INPP5K: variants seen among roughly 807,000 people sequenced by gnomAD.
INPP5K encodes inositol polyphosphate 5-phosphatase K.
INPP5K carries 35 observed loss-of-function variants against 53.5 expected under a neutral mutation model. The observed-to-expected ratio is 0.65, with a 90% CI of 0.50 to 0.87. The LOEUF is 0.87. INPP5K is among the 40% of genes least tolerant of loss of function. The pLI is 0.00. For synonymous variants in INPP5K, 253 were observed against 232.8 expected, an observed-to-expected ratio of 1.09 and a Z score of -0.79; for missense variants, 550 against 586.2, an observed-to-expected ratio of 0.94 and a Z score of 0.64.
chr17:1,515,738 G>C, intron 1 of INPP5K: 1 of 609,590 alleles, frequency 1.6e-6, no homozygotes, highest in Non-Finnish European at 2.1e-6. Flanking sequence ...GTCCCTCCCT[G>C]TTAGCATAAA....
intron 3 of INPP5K, among the ~76,000 whole-genome samples, chr17:1,513,137 T>C (rs1278001793): frequency 2.0e-5 from 3 of 152,238 alleles, no homozygotes; most frequent in African/African-American, 7.2e-5. Context: ...GATGGGCATT[T>C]GAGTAGAGAC....
chr17:1,507,403 T>C (rs78484963), intron 6 of INPP5K: 21,870 of 327,114 alleles, frequency 0.067, 878 homozygotes, highest in African/African-American at 0.1. Flanking sequence ...GAGGGGAACC[T>C]GGGGAAGCCA....
chr17:1,502,482 C>G (rs2075049966), intron 7 of INPP5K, among the ~76,000 whole-genome samples: 1 of 152,166 alleles, frequency 6.6e-6, no homozygotes, highest in Non-Finnish European at 1.5e-5. Flanking sequence ...CTTCCCCAAG[C>G]CCTGACCACA....
chr17:1,498,096 G>A lies in INPP5K; in HGVS notation c.803C>T (p.Thr268Ile). 1 of 1,611,894 alleles carries A rather than the reference G, an allele frequency of 6.2e-7. No individual in the cohort carries two copies. Among genetic ancestry groups the A allele is most frequent in the Non-Finnish European group, 8.5e-7 (1 of 1,178,470 alleles). ...TSEKKRKPAW[T>I]DRILWRLKRQ... Reference sequence around the variant, plus strand: ...CTTCAGCCTCCACAGGATGCGATCGGTCCATGCAGGCTTGCGTTTTTTCTC... The same window carrying A: ...CTTCAGCCTCCACAGGATGCGATCGATCCATGCAGGCTTGCGTTTTTTCTC... Residue 268 changes from threonine (T) to isoleucine (I), a missense_variant, in exon 8 of 12, where the codon ACC (threonine) becomes ATC (isoleucine). By Grantham distance (89) the Thr-to-Ile change is moderately conservative. Transcript: ENST00000421807.
In INPP5K at chr17:1,495,757, C is replaced by T. The variant is rs1222495009; in HGVS notation, c.*66G>A. 32 of 1,232,080 alleles carry T rather than the reference C, an allele frequency of 2.6e-5. No individual in the cohort carries two copies. The highest frequency in any genetic ancestry group is 1.1e-4 in the South Asian group (9 of 80,564). 76.3% of individuals were successfully genotyped at this position (1,232,080 alleles called of 1,614,324 possible). A position where few individuals can be genotyped will look rare whatever the true frequency, so the allele number is the denominator to read the frequency against. On this transcript the variant is annotated 3_prime_UTR_variant, in exon 12 of 12. Transcript: ENST00000421807. ...GGCCAGGCTGGGCCCCCAGCACTCCCGGCAGTGGAAAGGCAGAGCTGGCTG... is the reference window on the plus strand; with the variant it reads ...GGCCAGGCTGGGCCCCCAGCACTCCTGGCAGTGGAAAGGCAGAGCTGGCTG...
At chr17:1,497,872 G>T (rs2074898188) in intron 8 of INPP5K, 64 bp downstream of exon 8, 2 of 1,412,882 alleles carry the variant, frequency 1.4e-6, no homozygotes, top group Non-Finnish European at 2.0e-6. Context: ...CAGGGATGGA[G>T]GGCTTGGGGA....
In INPP5K at chr17:1,506,536, T is replaced by C. The variant is rs1203120351; in HGVS notation, c.776+444A>G. On this transcript the variant is annotated intron_variant, in intron 7 of 11. Transcript: ENST00000421807. Reference sequence around the variant, plus strand: ...CTACACTGATCCTGATGAAACTCTCTACCTACTACTTCACCTTCTCACACA... The same window carrying C: ...CTACACTGATCCTGATGAAACTCTCCACCTACTACTTCACCTTCTCACACA... Among the ~76,000 whole-genome samples, 3 of 152,348 alleles carry C rather than the reference T, an allele frequency of 2.0e-5. No homozygotes were observed. The East Asian group carries it at 5.8e-4, about 29-fold the overall frequency.
At chr17:1,510,787 C>T (rs961415562) in intron 3 of INPP5K, among the ~76,000 whole-genome samples, 32 of 152,022 alleles carry the variant, frequency 2.1e-4, no homozygotes, top group African/African-American at 6.5e-4. Flanking sequence ...CCAACATGCC[C>T]GGCTATTTTT....
chr17:1,500,955 C>T (rs1360380746), intron 7 of INPP5K, among the ~76,000 whole-genome samples: 1 of 148,930 alleles, frequency 6.7e-6, no homozygotes, highest in African/African-American at 2.5e-5. Context: ...CTTTATTCAA[C>T]TGCTTTTTTT....
chr17:1,499,835 A>G (rs968373394), intron 7 of INPP5K, among the ~76,000 whole-genome samples: 4 of 152,216 alleles, frequency 2.6e-5, no homozygotes, highest in Admixed American at 6.5e-5. Flanking sequence ...ACCCAGAGTA[A>G]TAAAGCCTAA....
At chr17:1,498,688 T>A (rs1387813697) in intron 7 of INPP5K, among the ~76,000 whole-genome samples, 1 of 152,216 alleles carries the variant, frequency 6.6e-6, no homozygotes, top group Non-Finnish European at 1.5e-5. Context: ...TACTGTAGCC[T>A]CAAACTACTG....
chr17:1,508,318 G>A (rs987466996), intron 5 of INPP5K, 92 bp from the exon 6 acceptor site: 11 of 967,258 alleles, frequency 1.1e-5, no homozygotes, highest in African/African-American at 1.1e-4. Context: ...CCCAAGGGCT[G>A]CTGGGGCACA....
At chr17:1,497,786 G>A (rs562139238) in intron 8 of INPP5K, 150 bp downstream of exon 8, 2 of 685,312 alleles carry the variant, frequency 2.9e-6, no homozygotes, top group South Asian at 3.7e-5. Context: ...AAGAGGAGCT[G>A]GGATATCCGA....
chr17:1,507,190 C>T, intron 6 of INPP5K, 101 bp from the exon 7 acceptor site: 1 of 817,612 alleles, frequency 1.2e-6, no homozygotes. Flanking sequence ...ACAAATGGGG[C>T]AAGAGTCAAG....
At chr17:1,502,163 C>CA (rs1238496413) in intron 7 of INPP5K, among the ~76,000 whole-genome samples, 2 of 151,794 alleles carry the variant, frequency 1.3e-5, no homozygotes, top group Non-Finnish European at 2.9e-5. Context: ...TCCTGGCTAA[C>CA]ATGGTGAAAC....
chr17:1,508,624 A>G, intron 5 of INPP5K: 3 of 308,224 alleles, frequency 9.7e-6, no homozygotes, highest in East Asian at 8.9e-5. Context: ...AAGCAAGGGG[A>G]GACAGCAGAT....
Position 1,516,019 on chromosome 17 carries a change from A to G in INPP5K, c.44+437T>C, listed in dbSNP as rs996705516. 8 of 1,008,030 alleles carry G rather than the reference A, an allele frequency of 7.9e-6. No individual in the cohort carries two copies. The African/African-American group carries it at 1.4e-4, about 17-fold the overall frequency. 62.4% of individuals were successfully genotyped at this position (1,008,030 alleles called of 1,614,324 possible). On this transcript the variant is annotated intron_variant, in intron 1 of 11. Transcript: ENST00000421807. ...GTTGTTCCCCGTGAAAGAGCAGGCAAGAGACCAGGCTAAGTCACTTCCCTA... is the reference window on the plus strand; with the variant it reads ...GTTGTTCCCCGTGAAAGAGCAGGCAGGAGACCAGGCTAAGTCACTTCCCTA...
At chr17:1,509,431 G>A (rs2075254712) in intron 4 of INPP5K, 78 bp from the exon 5 acceptor site, 1 of 1,391,328 alleles carries the variant, frequency 7.2e-7, no homozygotes, top group South Asian at 1.3e-5. Context: ...TGGACCTGAG[G>A]GCAGACAGTC....
At chr17:1,498,284 A>T in intron 7 of INPP5K, 162 bp from the exon 8 acceptor site, 1 of 563,110 alleles carries the variant, frequency 1.8e-6, no homozygotes, top group Non-Finnish European at 3.1e-6. Context: ...GGCAGCAGGC[A>T]GGAAGGTGCC....
Sources: gnomAD v4.1 joint callset for allele counts (sites outside exome capture counted in the v4.1 genomes callset) on GRCh38, gnomAD v4.1.1 for gene constraint, MANE v1.5 for transcripts, NCBI Gene and HGNC (gene_info 2026-07-23, HGNC 2026-07-21) for gene names.